Variants in CLASRP observed in about 807,000 individuals in gnomAD.
CLASRP encodes the protein CLK4 associating serine/arginine rich protein.
Under a neutral mutation model 99.9 loss-of-function variants are expected in CLASRP, and 52 were observed. The observed-to-expected ratio is 0.52, with a 90% CI of 0.42 to 0.66. The LOEUF is 0.66. Among genes scored for constraint, CLASRP ranks in the 30% least tolerant of loss-of-function variants. The probability of loss-of-function intolerance (pLI) is 0.00; values close to 1 mark genes in which losing one functional copy is unlikely to be tolerated. For missense variants in CLASRP, 848 were observed against 999.2 expected, an observed-to-expected ratio of 0.85 and a Z score of 2.04; for synonymous variants, 379 against 373.0, an observed-to-expected ratio of 1.02 and a Z score of -0.18.
chr19:45,046,444 G>A (rs1971918126), intron 2 of CLASRP, among the ~76,000 whole-genome samples: 2 of 152,162 alleles, frequency 1.3e-5, no homozygotes. Flanking sequence ...CGCAGCTCAG[G>A]CGTCGCCTCC....
chr19:45,061,948 G>A (rs1966948246), intron 10 of CLASRP, among the ~76,000 whole-genome samples: 1 of 150,858 alleles, frequency 6.6e-6, no homozygotes, highest in Non-Finnish European at 1.5e-5. Flanking sequence ...CTAGGACATT[G>A]TAGGGTGGGG....
chr19:45,058,600 T>G (rs1274481765), intron 7 of CLASRP, among the ~76,000 whole-genome samples: 1 of 152,072 alleles, frequency 6.6e-6, no homozygotes, highest in African/African-American at 2.4e-5. Context: ...TTGGTCAGGC[T>G]GGTCTTGAAC....
intron 15 of CLASRP, 59 bp downstream of exon 15, chr19:45,068,113 T>G (rs1353879052): frequency 4.6e-6 from 7 of 1,515,306 alleles, no homozygotes; most frequent in Non-Finnish European, 5.5e-6. Context: ...GCCCAAGAGC[T>G]GGGCCCGGTG....
Position 45,056,900 on chromosome 19 carries a change from G to A in CLASRP, c.464+366G>A, listed in dbSNP as rs915391568. Among the ~76,000 whole-genome samples, 49 of 152,308 alleles carry A rather than the reference G, an allele frequency of 3.2e-4. 1 individual carries two copies. Among genetic ancestry groups the A allele is most frequent in the African/African-American group, 1.1e-3 (44 of 41,574 alleles). On this transcript the variant is annotated intron_variant, in intron 6 of 20. Transcript: ENST00000221455. The stretch of plus-strand genomic sequence containing the variant: ...CCTACTGCCTGGAGTTGGGAGGCAT[G>A]CAGGAGATGGGGCTTGTGAAGTACC...
In CLASRP at chr19:45,059,661, A is replaced by G. The variant is rs144914882; in HGVS notation, c.710+297A>G. 4.6e-5 allele frequency among the ~76,000 whole-genome samples: 7 copies of G among 152,206 alleles called. No homozygotes were observed. In the East Asian group the frequency reaches 1.2e-3, roughly 25 times the overall value. On this transcript the variant is annotated intron_variant, in intron 8 of 20. Coordinates refer to ENST00000221455, the MANE Select transcript of CLASRP (RefSeq NM_007056.3). ...TGGGGGACAGCGCCCTCTAGTGGAG[A>G]GGCTTCATTCCCTGGTTATTTATCC... is the stretch of plus-strand genomic sequence containing the variant.
chr19:45,058,051 C>T, intron 7 of CLASRP, 153 bp downstream of exon 7: 2 of 868,154 alleles, frequency 2.3e-6, no homozygotes, highest in African/African-American at 1.7e-5. Context: ...GCCCCTGTCT[C>T]ACTCCTGTCC....
chr19:45,053,119 C>T lies in CLASRP; in HGVS notation c.321C>T (p.Asp107=), dbSNP rs771947338. The change falls in exon 5 of 21, where the codon GAC becomes GAT. Residue 107 remains aspartate, a synonymous_variant. Coordinates refer to ENST00000221455, the MANE Select transcript of CLASRP (RefSeq NM_007056.3). ...LTTISPEQES[D]ERKCNYERYR... ...AAAGCTCCCCAGAACAGGAGTCGGA[C>T]GAACGGAAGTGTAACTACGAGCGCT... The T allele has an allele frequency of 1.4e-5, 23 of 1,613,802 alleles. No individual in the cohort carries two copies. The highest frequency in any genetic ancestry group is 1.7e-5 in the Non-Finnish European group (20 of 1,180,010).
chr19:45,064,531 G>T lies in CLASRP; in HGVS notation c.1310G>T (p.Ser437Ile). The part of the protein sequence containing the change: ...SRSRRYSRSR[S>I]RGRRHSGGGS... ...TCCCGGCGCTATTCCCGGTCCCGTA[G>T]CCGTGGCCGGCGGCACTCAGGTGGG... Residue 437 changes from serine (S) to isoleucine (I), a missense_variant, in exon 13 of 21, where the codon AGC becomes ATC. Physicochemically the swap from Ser to Ile is moderately radical, Grantham distance 142 (BLOSUM62 -2). Around this residue, in one of 8 missense-constraint regions of CLASRP, gnomAD observed 489 missense variants for 434.7 expected, o/e 1.12. Transcript: ENST00000221455. 6.5e-7 allele frequency: 1 copy of T among 1,537,710 alleles called. No homozygotes were observed.
chr19:45,059,390 A>G (rs1290297304), intron 8 of CLASRP, 26 bp downstream of exon 8: 8 of 1,544,914 alleles, frequency 5.2e-6, no homozygotes, highest in South Asian at 3.5e-5. Context: ...TGACACCCCT[A>G]CCCATTCTGT....
chr19:45,040,140 G>A (rs1971785088), intron 1 of CLASRP, 44 bp from the exon 2 acceptor site: 1 of 1,094,688 alleles, frequency 9.1e-7, no homozygotes, highest in Non-Finnish European at 1.4e-6. Flanking sequence ...TGCCCATACG[G>A]GTTTCACAGA....
intron 2 of CLASRP, 104 bp from the exon 3 acceptor site, chr19:45,051,967 C>CAA (rs371610388): frequency 1.8e-4 from 118 of 659,542 alleles, no homozygotes; most frequent in Admixed American, 4.2e-4. Context: ...GGCTCCATCT[C>CAA]AAAAAAAAAA....
chr19:45,064,205 C>G lies in CLASRP; in HGVS notation c.1099C>G (p.Pro367Ala), dbSNP rs767500534. ...PAPPQPGGPA[P>A]GRNASARRRS... Reference sequence around the variant, plus strand: ...ACCTCCCCAGCCTGGCGGCCCCGCCCCGGGACGTAATGCCAGCGCCCGGTC... The same window carrying G: ...ACCTCCCCAGCCTGGCGGCCCCGCCGCGGGACGTAATGCCAGCGCCCGGTC... Residue 367 changes from proline to alanine, a missense_variant, in exon 12 of 21, where the codon CCG becomes GCG. Transcript: ENST00000221455. 4.4e-6 allele frequency: 7 copies of G among 1,600,616 alleles called. No homozygotes were observed. The highest frequency in any genetic ancestry group is 6.0e-6 in the Non-Finnish European group (7 of 1,174,850).
chr19:45,064,469 C>CTCCCGGTCCCGCTCCTGG lies in CLASRP; in HGVS notation c.1254_1271dup (p.Trp422_Ser427dup), dbSNP rs1967029617. 2 of 1,532,482 alleles carry CTCCCGGTCCCGCTCCTGG rather than the reference C, an allele frequency of 1.3e-6. No individual in the cohort carries two copies. The highest frequency in any genetic ancestry group is 1.7e-6 in the Non-Finnish European group (2 of 1,142,870). The allele number at this position is 1,532,482 out of a possible 1,614,324, so 94.9% of individuals were successfully genotyped here. A position where few individuals can be genotyped will look rare whatever the true frequency, so the allele number is the denominator to read the frequency against. ...ACTACCGTTCCGGCCGCCACGCCCG[C>CTCCCGGTCCCGCTCCTGG]TCCCGGTCCCGCTCCTGGTCCCGCT... On this transcript the variant is annotated inframe_insertion, in exon 13 of 21. Transcript: ENST00000221455.
chr19:45,064,207 G>A lies in CLASRP; in HGVS notation c.1101G>A (p.Pro367=), dbSNP rs752484206. The change falls in exon 12 of 21, where the codon CCG becomes CCA. Residue 367 remains proline, a synonymous_variant. Coordinates refer to ENST00000221455, the MANE Select transcript of CLASRP (RefSeq NM_007056.3). ...CTCCCCAGCCTGGCGGCCCCGCCCC[G>A]GGACGTAATGCCAGCGCCCGGTCGG... ...PAPPQPGGPA[P]GRNASARRRS... is the part of the protein sequence containing the mutation. The A allele has an allele frequency of 2.1e-5, 33 of 1,599,214 alleles. No homozygotes were observed. Among genetic ancestry groups the A allele is most frequent in the East Asian group, 1.4e-4 (6 of 44,250 alleles).
chr19:45,045,635 G>A (rs952475406), intron 2 of CLASRP, among the ~76,000 whole-genome samples: 4 of 152,094 alleles, frequency 2.6e-5, no homozygotes, highest in African/African-American at 9.7e-5. Context: ...ATTTTGGGTC[G>A]CCCTGACCAG....
intron 7 of CLASRP, 31 bp downstream of exon 7, chr19:45,057,929 C>T (rs757121123): frequency 6.2e-7 from 1 of 1,612,246 alleles, no homozygotes; most frequent in Non-Finnish European, 8.5e-7. Flanking sequence ...TCCCCACCTG[C>T]AGTCCCTGGG....
In CLASRP at chr19:45,064,245, C is replaced by A. The variant is rs966722378; in HGVS notation, c.1121+18C>A. On this transcript the variant is annotated intron_variant, in intron 12 of 20. Transcript: ENST00000221455. ...AGCGCCCGGTCGGTAACGCTCACGC[C>A]GCCCGCCCTACGCCCCGGTCACCAT... 6.4e-7 allele frequency: 1 copy of A among 1,567,538 alleles called. No individual in the cohort carries two copies.
chr19:45,053,863 C>T lies in CLASRP; in HGVS notation c.379+686C>T, dbSNP rs946188547. Among the ~76,000 whole-genome samples, 7 of 152,126 alleles carry T rather than the reference C, an allele frequency of 4.6e-5. No homozygotes were observed. The South Asian group carries it at 1.5e-3, about 32-fold the overall frequency. On this transcript the variant is annotated intron_variant, in intron 5 of 20. Coordinates refer to ENST00000221455, the MANE Select transcript of CLASRP (RefSeq NM_007056.3). ...TCTGAACTCCTGGGCTCAAGTGATC[C>T]TCCTGCCTTGGCCTCCCAAATTGCT...
chr19:45,064,440 G>A lies in CLASRP; in HGVS notation c.1219G>A (p.Gly407Ser). The change falls in exon 13 of 21, where the codon GGC (glycine) becomes AGC (serine). Residue 407 changes from glycine (G) to serine (S), a missense_variant. Coordinates refer to ENST00000221455, the MANE Select transcript of CLASRP (RefSeq NM_007056.3). ...CAGCTCCCGCTCTCGCCGTGGTGGG[G>A]GCTACTACCGTTCCGGCCGCCACGC... Reference protein sequence around the residue: ...RSSSRSRRGGGYYRSGRHARS... With the variant: ...RSSSRSRRGGSYYRSGRHARS... 1 of 1,523,706 alleles carries A rather than the reference G, an allele frequency of 6.6e-7. No individual in the cohort carries two copies. The highest frequency in any genetic ancestry group is 8.8e-7 in the Non-Finnish European group (1 of 1,135,652). The allele number at this position is 1,523,706 out of a possible 1,614,324, so 94.4% of individuals were successfully genotyped here. A position where few individuals can be genotyped will look rare whatever the true frequency, so the allele number is the denominator to read the frequency against.
Sources: gnomAD v4.1 joint callset for allele counts (sites outside exome capture counted in the v4.1 genomes callset) on GRCh38, gnomAD v4.1.1 for gene constraint, gnomAD v4.1.1 regional missense constraint, MANE v1.5 for transcripts, NCBI Gene and HGNC (gene_info 2026-07-23, HGNC 2026-07-21) for gene names.